Variants in PGM5 observed in about 807,000 individuals in gnomAD.
The protein encoded by PGM5 is phosphoglucomutase-like protein 5.
In PGM5, 23 loss-of-function variants were observed where a neutral mutation model predicts 59.2. That is an observed-to-expected ratio of 0.39 (90% CI 0.28 to 0.55). PGM5 has a LOEUF of 0.55. PGM5 is among the 20% of genes least tolerant of loss of function. The pLI is 0.66. For synonymous variants in PGM5, 214 were observed against 286.0 expected, an observed-to-expected ratio of 0.75 and a Z score of 2.54; for missense variants, 574 against 748.3, an observed-to-expected ratio of 0.77 and a Z score of 2.72.
intron 10 of PGM5, among the ~76,000 whole-genome samples, chr9:68,524,160 A>C (rs927508479): frequency 7.9e-5 from 12 of 152,176 alleles, no homozygotes; most frequent in South Asian, 2.1e-4. Context: ...TGTGAGGTTA[A>C]CTGGGTGCAA....
chr9:68,480,974 TG>T (rs1824188689), intron 8 of PGM5, among the ~76,000 whole-genome samples: 1 of 152,302 alleles, frequency 6.6e-6, no homozygotes, highest in East Asian at 1.9e-4. Flanking sequence ...CGATGTTAAC[TG>T]TAAAGAACTT....
At position 68,529,634 on chromosome 9, in the gene PGM5, G is replaced by T; in HGVS notation, c.1682G>T (p.Arg561Met). ...CAGATTCATGAGAGAACTGGCCGGA[G>T]GGGACCCACTGTCATCACCTGAATA... is the stretch of plus-strand genomic sequence containing the variant. Reference protein sequence around the residue: ...ISQIHERTGRRGPTVIT With the variant: ...ISQIHERTGRMGPTVIT The change falls in exon 11 of 11, where the codon AGG (arginine) becomes ATG (methionine). Residue 561 changes from arginine (R) to methionine (M), a missense_variant. By Grantham distance (91) the Arg-to-Met change is moderately conservative (BLOSUM62 -1). Around this residue, in one of 7 missense-constraint regions of PGM5, gnomAD observed 300 missense variants for 280.0 expected, o/e 1.07. Transcript: ENST00000396396. The T allele has an allele frequency of 6.3e-7, 1 of 1,598,518 alleles. No homozygotes were observed. The highest frequency in any genetic ancestry group is 1.7e-5 in the Admixed American group (1 of 59,090).
At chr9:68,376,796 TC>T (rs1296452938) in intron 1 of PGM5, among the ~76,000 whole-genome samples, 1 of 108,110 alleles carries the variant, frequency 9.2e-6, no homozygotes, top group Non-Finnish European at 1.9e-5. Context: ...TTTCTTTCTT[TC>T]TTTCTTTCTT....
intron 6 of PGM5, among the ~76,000 whole-genome samples, chr9:68,441,820 A>C (rs1587811316): frequency 6.6e-6 from 1 of 152,032 alleles, no homozygotes; most frequent in African/African-American, 2.4e-5. Flanking sequence ...GATTCTATTC[A>C]TAAATAACGT....
At chr9:68,454,432 G>A (rs898623278) in intron 6 of PGM5, among the ~76,000 whole-genome samples, 2 of 152,148 alleles carry the variant, frequency 1.3e-5, no homozygotes, top group Non-Finnish European at 2.9e-5. Context: ...CTAAGTGAAC[G>A]ATGTGTGCAA....
chr9:68,440,027 G>A (rs950159768), intron 6 of PGM5, among the ~76,000 whole-genome samples: 7 of 152,032 alleles, frequency 4.6e-5, no homozygotes, highest in South Asian at 2.1e-4. Flanking sequence ...AAGATCCAAC[G>A]GTCCTAAATG....
At chr9:68,411,048 A>G (rs1315408665) in intron 6 of PGM5, among the ~76,000 whole-genome samples, 1 of 152,058 alleles carries the variant, frequency 6.6e-6, no homozygotes, top group Non-Finnish European at 1.5e-5. Flanking sequence ...AAGACTGCCT[A>G]CTGTTTATGT....
chr9:68,383,560 A>G (rs1235221769), intron 2 of PGM5, among the ~76,000 whole-genome samples: 1 of 151,924 alleles, frequency 6.6e-6, no homozygotes, highest in African/African-American at 2.4e-5. Context: ...TTAAAAATCA[A>G]GAAACAATTT....
intron 10 of PGM5, among the ~76,000 whole-genome samples, chr9:68,502,748 G>A (rs1824598133): frequency 2.0e-5 from 3 of 152,164 alleles, no homozygotes. Context: ...GAAGTGCAGT[G>A]GCATGATCTC....
intron 3 of PGM5, among the ~76,000 whole-genome samples, chr9:68,386,986 C>T (rs1357499629): frequency 2.0e-5 from 3 of 151,692 alleles, no homozygotes; most frequent in African/African-American, 7.3e-5. Context: ...CTGGTAGGCA[C>T]AATGGCTTTT....
chr9:68,505,067 G>A (rs782270064), intron 10 of PGM5, among the ~76,000 whole-genome samples: 2 of 152,128 alleles, frequency 1.3e-5, no homozygotes, highest in African/African-American at 2.4e-5. Context: ...TCGTTCCAGT[G>A]GCCTCATGGC....
intron 10 of PGM5, among the ~76,000 whole-genome samples, chr9:68,520,603 T>C (rs1307315051): frequency 6.6e-6 from 1 of 152,306 alleles, no homozygotes; most frequent in East Asian, 1.9e-4. Flanking sequence ...AATGAAAGAA[T>C]ACAGAGTATT....
chr9:68,462,421 A>C (rs74597961), intron 6 of PGM5, among the ~76,000 whole-genome samples: 8,838 of 152,046 alleles, frequency 0.058, 368 homozygotes, highest in African/African-American at 0.12. Context: ...TTCCTTTTTG[A>C]CCCTAGGACA....
chr9:68,525,732 G>A (rs2132121971), intron 10 of PGM5, among the ~76,000 whole-genome samples: 1 of 152,256 alleles, frequency 6.6e-6, no homozygotes, highest in East Asian at 1.9e-4. Flanking sequence ...TACACTCAGG[G>A]AAGAAAAAAT....
chr9:68,507,485 T>C (rs554249925), intron 10 of PGM5, among the ~76,000 whole-genome samples: 1 of 152,322 alleles, frequency 6.6e-6, no homozygotes, highest in East Asian at 1.9e-4. Context: ...TTTGCCTACA[T>C]ATATTCAAAT....
intron 2 of PGM5, among the ~76,000 whole-genome samples, chr9:68,383,977 T>G (rs1462866164): frequency 1.3e-5 from 2 of 151,948 alleles, no homozygotes; most frequent in Non-Finnish European, 2.9e-5. Context: ...ATAGAAAGCA[T>G]AGTCTCCTCT....
chr9:68,441,518 C>G (rs1265879139), intron 6 of PGM5, among the ~76,000 whole-genome samples: 1 of 151,998 alleles, frequency 6.6e-6, no homozygotes, highest in East Asian at 1.9e-4. Flanking sequence ...GGAGAAAGAC[C>G]ACATGATTAC....
rs150283095 is a variant in PGM5, at chr9:68,483,984, G to T, written c.1415G>T (p.Ser472Ile). The change falls in exon 9 of 11, where the codon AGC becomes ATC. Residue 472 changes from serine (S) to isoleucine (I), a missense_variant. Physicochemically the swap from Ser to Ile is moderately radical, Grantham distance 142 (BLOSUM62 -2). Around this residue, in one of 7 missense-constraint regions of PGM5, gnomAD observed 300 missense variants for 280.0 expected, o/e 1.07. Coordinates refer to ENST00000396396, the MANE Select transcript of PGM5 (RefSeq NM_021965.4). The part of the protein sequence containing the change: ...QQFAVGSHVY[S>I]VAKTDSFEYV... ...TTTGCTGTGGGGAGCCATGTCTACA[G>T]CGTGGCGAAGACGGATAGTTTTGAA... is the stretch of plus-strand genomic sequence containing the variant. 6.2e-7 allele frequency: 1 copy of T among 1,613,978 alleles called. No homozygotes were observed. Among genetic ancestry groups the T allele is most frequent in the South Asian group, 1.1e-5 (1 of 91,084 alleles).
intron 10 of PGM5, among the ~76,000 whole-genome samples, chr9:68,517,121 T>G (rs1221181833): frequency 2.0e-5 from 3 of 151,564 alleles, no homozygotes; most frequent in Non-Finnish European, 4.4e-5. Flanking sequence ...CGACTTCAGG[T>G]GATCTGCCCG....
Sources: gnomAD v4.1 joint callset for allele counts (sites outside exome capture counted in the v4.1 genomes callset) on GRCh38, gnomAD v4.1.1 for gene constraint, gnomAD v4.1.1 regional missense constraint, MANE v1.5 for transcripts, NCBI Gene and HGNC (gene_info 2026-07-23, HGNC 2026-07-21) for gene names.